Variants in NBEA observed in about 807,000 individuals in gnomAD.
NBEA encodes lysosomal-trafficking regulator 2.
In NBEA, 44 loss-of-function variants were observed where a neutral mutation model predicts 343.4. That is an observed-to-expected ratio of 0.13 (90% confidence interval 0.10 to 0.16). The LOEUF is 0.16. Ranked by LOEUF, NBEA falls within the 10% of genes least tolerant of loss-of-function variation. The probability of loss-of-function intolerance (pLI) is 1.00; values close to 1 mark genes in which losing one functional copy is unlikely to be tolerated. For missense variants in NBEA, 2,555 were observed against 3,631.3 expected, an observed-to-expected ratio of 0.70 and a Z score of 7.62; for synonymous variants, 1,175 against 1,238.7, an observed-to-expected ratio of 0.95 and a Z score of 1.08.
intron 41 of NBEA, among the ~76,000 whole-genome samples, chr13:35,493,750 G>C (rs533865056): frequency 6.6e-6 from 1 of 152,032 alleles, no homozygotes; most frequent in African/African-American, 2.4e-5. Flanking sequence ...CATTGGAGTA[G>C]ATGATTTCCC....
chr13:35,528,946 A>G (rs1437440214), intron 41 of NBEA, among the ~76,000 whole-genome samples: 1 of 152,188 alleles, frequency 6.6e-6, no homozygotes, highest in African/African-American at 2.4e-5. Flanking sequence ...CCCATATGCT[A>G]TTCAAAGTGA....
At chr13:35,511,977 A>G (rs866638220) in intron 41 of NBEA, among the ~76,000 whole-genome samples, 17 of 152,162 alleles carry the variant, frequency 1.1e-4, no homozygotes, top group Non-Finnish European at 1.8e-4. Flanking sequence ...TTTGATATTT[A>G]TAATTGACTC....
chr13:35,055,046 CTTTT>C (rs952637166), intron 6 of NBEA, among the ~76,000 whole-genome samples: 4 of 152,028 alleles, frequency 2.6e-5, no homozygotes, highest in Admixed American at 2.0e-4. Flanking sequence ...ATTATTGTAA[CTTTT>C]TATTTCTGAA....
Position 35,018,859 on chromosome 13 carries a change from G to A in NBEA, c.295-22074G>A, listed in dbSNP as rs1003946058. Reference sequence around the variant, plus strand: ...AAACCATGCAGTCATTCACCATTAAGTATGATGTTAGCTATAGGTTTTTTA... The same window carrying A: ...AAACCATGCAGTCATTCACCATTAAATATGATGTTAGCTATAGGTTTTTTA... On this transcript the variant is annotated intron_variant, in intron 1 of 58. Coordinates refer to ENST00000379939, the MANE Select transcript of NBEA (RefSeq NM_001385012.1). Among the ~76,000 whole-genome samples the A allele has an allele frequency of 7.2e-5, 11 of 152,276 alleles. No individual in the cohort carries two copies. The East Asian group carries it at 2.1e-3, about 29-fold the overall frequency.
At chr13:35,443,335 A>G (rs2045840527) in intron 39 of NBEA, among the ~76,000 whole-genome samples, 1 of 152,110 alleles carries the variant, frequency 6.6e-6, no homozygotes, top group Non-Finnish European at 1.5e-5. Flanking sequence ...AGTGCCATGA[A>G]TTACTGATCC....
chr13:35,101,103 T>C (rs2065626326), intron 11 of NBEA, among the ~76,000 whole-genome samples: 1 of 152,046 alleles, frequency 6.6e-6, no homozygotes, highest in Non-Finnish European at 1.5e-5. Context: ...CATTCATCAG[T>C]TGATATACAT....
intron 38 of NBEA, among the ~76,000 whole-genome samples, chr13:35,427,037 A>AT (rs1385830573): frequency 1.3e-5 from 2 of 151,714 alleles, no homozygotes; most frequent in African/African-American, 2.4e-5. Context: ...CATTCATCTA[A>AT]TTTTTTTTCA....
At chr13:35,048,177 A>G (rs533775019) in intron 4 of NBEA, among the ~76,000 whole-genome samples, 16 of 152,012 alleles carry the variant, frequency 1.1e-4, no homozygotes, top group East Asian at 3.9e-4. Flanking sequence ...TAAATATTCA[A>G]TCTCCTTTAA....
At chr13:34,979,284 C>G (rs2060278356) in intron 1 of NBEA, among the ~76,000 whole-genome samples, 1 of 152,126 alleles carries the variant, frequency 6.6e-6, no homozygotes, top group African/African-American at 2.4e-5. Context: ...CTTCGGGAGG[C>G]CAAGGCAGGC....
chr13:35,623,388 A>AATTG (rs1341196700), intron 48 of NBEA, among the ~76,000 whole-genome samples: 2 of 152,138 alleles, frequency 1.3e-5, no homozygotes, highest in African/African-American at 4.8e-5. Context: ...TTCCATTCTT[A>AATTG]GATATTCATT....
At chr13:35,368,548 A>C (rs532195630) in intron 38 of NBEA, among the ~76,000 whole-genome samples, 3 of 151,770 alleles carry the variant, frequency 2.0e-5, no homozygotes, top group Non-Finnish European at 4.4e-5. Context: ...CCATCTTCAC[A>C]CAATCAAAAA....
chr13:35,127,281 T>C (rs1443087465), intron 17 of NBEA, among the ~76,000 whole-genome samples: 1 of 152,224 alleles, frequency 6.6e-6, no homozygotes, highest in Non-Finnish European at 1.5e-5. Flanking sequence ...AAAAGGATGC[T>C]GTCAAATATT....
chr13:35,074,068 A>G (rs878933266), intron 10 of NBEA, among the ~76,000 whole-genome samples: 2 of 152,178 alleles, frequency 1.3e-5, no homozygotes, highest in Admixed American at 1.3e-4. Flanking sequence ...TGTTTTATGT[A>G]TGGACTTTCA....
intron 45 of NBEA, among the ~76,000 whole-genome samples, chr13:35,579,614 A>C (rs886556192): frequency 1.3e-5 from 2 of 152,156 alleles, no homozygotes; most frequent in African/African-American, 4.8e-5. Context: ...ATTGCATCTA[A>C]ACAGTTGTTT....
intron 40 of NBEA, among the ~76,000 whole-genome samples, chr13:35,459,561 A>G (rs898751556): frequency 6.6e-6 from 1 of 152,196 alleles, no homozygotes; most frequent in African/African-American, 2.4e-5. Flanking sequence ...ATAACCAGGA[A>G]GTTATGGCAG....
chr13:35,174,611 AAC>A (rs1330774994), intron 27 of NBEA, among the ~76,000 whole-genome samples: 1 of 152,004 alleles, frequency 6.6e-6, no homozygotes, highest in Non-Finnish European at 1.5e-5. Context: ...ACTGTCAGAG[AAC>A]ATTTGTAATT....
chr13:35,496,185 A>G (rs1464256119), intron 41 of NBEA, among the ~76,000 whole-genome samples: 2 of 151,942 alleles, frequency 1.3e-5, no homozygotes, highest in East Asian at 3.9e-4. Flanking sequence ...AGGTCTCATT[A>G]TGTTGCCCAG....
At chr13:35,587,025 AC>A (rs1422100557) in intron 46 of NBEA, among the ~76,000 whole-genome samples, 6 of 152,216 alleles carry the variant, frequency 3.9e-5, no homozygotes, top group African/African-American at 1.4e-4. Context: ...ATACAAAAAA[AC>A]TAATTAATTG....
intron 1 of NBEA, among the ~76,000 whole-genome samples, chr13:35,019,993 G>T (rs1457521257): frequency 6.6e-6 from 1 of 151,994 alleles, no homozygotes; most frequent in South Asian, 2.1e-4. Flanking sequence ...TTGTTTTATT[G>T]GGTTTTGTAT....
Sources: gnomAD v4.1 joint callset for allele counts (sites outside exome capture counted in the v4.1 genomes callset) on GRCh38, gnomAD v4.1.1 for gene constraint, MANE v1.5 for transcripts, NCBI Gene and HGNC (gene_info 2026-07-23, HGNC 2026-07-21) for gene names.